EXOC6: variants seen among roughly 807,000 people sequenced by gnomAD.
The protein encoded by EXOC6 is SEC15-like 1.
Under a neutral mutation model 112.5 loss-of-function variants are expected in EXOC6, and 60 were observed. The ratio of observed to expected loss-of-function variants is 0.53; its 90% CI spans 0.43 to 0.66. The LOEUF (loss-of-function observed/expected upper bound fraction) is 0.66, where lower values mean the gene tolerates loss of function less well. Among genes scored for constraint, EXOC6 ranks in the 30% least tolerant of loss-of-function variants. The probability of loss-of-function intolerance (pLI) is 0.00; values close to 1 mark genes in which losing one functional copy is unlikely to be tolerated. For missense variants in EXOC6, 855 were observed against 957.1 expected (o/e 0.89, Z 1.41); for synonymous variants, 295 against 308.0 (o/e 0.96, Z 0.44).
intron 1 of EXOC6, among the ~76,000 whole-genome samples, chr10:92,871,253 A>G (rs1003163860): frequency 3.3e-5 from 5 of 152,094 alleles, no homozygotes; most frequent in Non-Finnish European, 1.5e-5. Context: ...TCAGCCTAGC[A>G]CGGTGACTCA....
chr10:92,911,402 T>TA (rs1406841549), intron 6 of EXOC6, among the ~76,000 whole-genome samples: 5 of 152,310 alleles, frequency 3.3e-5, no homozygotes, highest in Middle Eastern at 6.8e-3. Context: ...CCATGGGAGT[T>TA]AAAAACACAA....
At chr10:92,852,713 A>G (rs1490201767) in intron 1 of EXOC6, among the ~76,000 whole-genome samples, 9 of 152,164 alleles carry the variant, frequency 5.9e-5, no homozygotes. Flanking sequence ...ACAAAATCGA[A>G]TATTAATTCC....
At chr10:92,839,644 G>A (rs922804751) in intron 1 of EXOC6, among the ~76,000 whole-genome samples, 2 of 152,162 alleles carry the variant, frequency 1.3e-5, no homozygotes, top group African/African-American at 4.8e-5. Context: ...CCTGGATGTA[G>A]CCTGGGGCTC....
At chr10:92,987,537 C>G in intron 18 of EXOC6, 1 of 693,672 alleles carries the variant, frequency 1.4e-6, no homozygotes, top group Non-Finnish European at 1.8e-6. Context: ...CCTTTTGCTA[C>G]TTTAAACACT....
At position 92,894,217 on chromosome 10, in the gene EXOC6, TTAA is replaced by T. The variant is rs1849644089; in HGVS notation, c.274-575_274-573del. On this transcript the variant is annotated intron_variant, in intron 2 of 21. Transcript: ENST00000260762. ...GTCACTGAGCATCTTTGTTCAGAAA[TTAA>T]TGAGATTTTTAATAAACCAGAATGT... is the stretch of plus-strand genomic sequence containing the variant. 2.0e-5 allele frequency among the ~76,000 whole-genome samples: 3 copies of T among 152,246 alleles called. No individual in the cohort carries two copies. The South Asian group carries it at 6.2e-4, about 32-fold the overall frequency.
chr10:92,948,337 T>C lies in EXOC6; in HGVS notation c.1374T>C (p.Ile458=). 1 of 1,608,916 alleles carries C rather than the reference T, an allele frequency of 6.2e-7. No homozygotes were observed. Among genetic ancestry groups the C allele is most frequent in the Non-Finnish European group, 8.5e-7 (1 of 1,178,134 alleles). ...IPVVNEEEYK[I]VISKFPFQDP... ...TTGTCAATGAAGAAGAATATAAAAT[T>C]GTCATCAGCAAATTTCCCTTTCAAG... Residue 458 remains isoleucine, a synonymous_variant, in exon 14 of 22, where the codon ATT becomes ATC. Coordinates refer to ENST00000260762, the MANE Select transcript of EXOC6 (RefSeq NM_019053.6).
intron 2 of EXOC6, among the ~76,000 whole-genome samples, chr10:92,894,453 G>A (rs1262966963): frequency 6.6e-6 from 1 of 152,104 alleles, no homozygotes; most frequent in African/African-American, 2.4e-5. Context: ...ACAATGAATG[G>A]CACATAGACC....
intron 17 of EXOC6, among the ~76,000 whole-genome samples, chr10:92,962,912 A>G (rs769811795): frequency 3.9e-5 from 6 of 152,326 alleles, no homozygotes; most frequent in Middle Eastern, 3.4e-3. Context: ...CTTAAACTCT[A>G]TAATGATCCT....
intron 14 of EXOC6, 93 bp from the exon 15 acceptor site, chr10:92,952,180 C>G: frequency 1.4e-6 from 1 of 712,926 alleles, no homozygotes; most frequent in South Asian, 1.8e-5. Flanking sequence ...ATTTGCTATT[C>G]AAGTGTGAAA....
intron 18 of EXOC6, among the ~76,000 whole-genome samples, chr10:92,989,134 C>T (rs1843128785): frequency 6.6e-6 from 1 of 152,172 alleles, no homozygotes; most frequent in Admixed American, 6.5e-5. Context: ...GGAACTACAT[C>T]TATTCATCTT....
rs76725794 is a variant in EXOC6, at chr10:92,923,707, A to G, written c.888+3657A>G. Among the ~76,000 whole-genome samples the G allele has an allele frequency of 3.4e-3, 525 of 152,358 alleles. 1 individual carries two copies. Among genetic ancestry groups the G allele is most frequent in the African/African-American group, 0.012 (507 of 41,578 alleles). On this transcript the variant is annotated intron_variant, in intron 8 of 21. Transcript: ENST00000260762. ...TTTATAACACAATCTCAGAAGTGAC[A>G]TACCATTACTTCTGCTTTATCCTAT...
chr10:93,052,125 A>C (rs1392560937), intron 20 of EXOC6, among the ~76,000 whole-genome samples: 1 of 152,222 alleles, frequency 6.6e-6, no homozygotes, highest in South Asian at 2.1e-4. Flanking sequence ...AAGACCCAAA[A>C]CAAAGAAAGC....
chr10:92,879,064 A>T (rs968874777), intron 1 of EXOC6, among the ~76,000 whole-genome samples: 6 of 152,164 alleles, frequency 3.9e-5, no homozygotes, highest in Admixed American at 3.9e-4. Context: ...CCACCTCAGG[A>T]TATACTTTAT....
intron 18 of EXOC6, among the ~76,000 whole-genome samples, chr10:92,975,685 C>T (rs1373087210): frequency 2.4e-4 from 30 of 125,738 alleles, no homozygotes; most frequent in African/African-American, 9.1e-4. Context: ...CCGGCAGCCC[C>T]TACTGGGAAG....
intron 18 of EXOC6, among the ~76,000 whole-genome samples, chr10:92,983,008 A>G (rs1248518829): frequency 1.3e-5 from 2 of 152,248 alleles, no homozygotes; most frequent in African/African-American, 4.8e-5. Flanking sequence ...AGAAATGGAT[A>G]GTATCTAACT....
chr10:92,885,115 A>G (rs2133782997), intron 1 of EXOC6, among the ~76,000 whole-genome samples: 1 of 152,292 alleles, frequency 6.6e-6, no homozygotes, highest in Non-Finnish European at 1.5e-5. Flanking sequence ...TATCTCTGCA[A>G]GATACTTTGT....
intron 18 of EXOC6, among the ~76,000 whole-genome samples, chr10:92,979,848 G>A (rs1842765339): frequency 7.2e-6 from 1 of 138,442 alleles, no homozygotes; most frequent in African/African-American, 2.7e-5. Flanking sequence ...AGTGAGCTGA[G>A]ATCATGCCAC....
rs752504530 is a variant in EXOC6 at position 92,974,145 on chromosome 10, G to A, written c.1866G>A (p.Met622Ile). 6.2e-7 allele frequency: 1 copy of A among 1,603,298 alleles called. No homozygotes were observed. The highest frequency in any genetic ancestry group is 8.5e-7 in the Non-Finnish European group (1 of 1,177,630). Residue 622 changes from methionine (M) to isoleucine (I), a missense_variant, in exon 18 of 22, where the codon ATG becomes ATA. By Grantham distance (10) the Met-to-Ile change is conservative. Transcript: ENST00000260762. ...FVQLADYDWT[M>I]SEPDGRASGY... ...AGCTTGCTGATTATGACTGGACAATGTCTGAGCCAGATGGAAGAGCTAGTG... is the reference window on the plus strand; with the variant it reads ...AGCTTGCTGATTATGACTGGACAATATCTGAGCCAGATGGAAGAGCTAGTG...
rs148323518 is a variant in EXOC6, at chr10:92,931,585, C to A, written c.973-2559C>A. ...TAAAATGTCTATTCAAATCTTTTGTCCATTCCACGCTCTAGGAACAAAGCT... is the reference window on the plus strand; with the variant it reads ...TAAAATGTCTATTCAAATCTTTTGTACATTCCACGCTCTAGGAACAAAGCT... On this transcript the variant is annotated intron_variant, in intron 9 of 21. Coordinates refer to ENST00000260762, the MANE Select transcript of EXOC6 (RefSeq NM_019053.6). Among the ~76,000 whole-genome samples, 775 of 150,522 alleles carry A rather than the reference C, an allele frequency of 5.1e-3. 2 individuals are homozygous for A. The highest frequency in any genetic ancestry group is 6.8e-3 in the Non-Finnish European group (458 of 67,428).
Sources: allele counts gnomAD v4.1 joint callset (sites outside exome capture counted in the v4.1 genomes callset), GRCh38; gene constraint gnomAD v4.1.1; transcripts MANE v1.5; gene names NCBI Gene and HGNC (gene_info 2026-07-23, HGNC 2026-07-21).